SLC24A4: variants seen among roughly 807,000 people sequenced by gnomAD.
The protein encoded by SLC24A4 is solute carrier family 24 member 4.
In SLC24A4, 53 loss-of-function variants were observed where a neutral mutation model predicts 79.0. That is an observed-to-expected ratio of 0.67 (90% CI 0.54 to 0.84). The LOEUF (loss-of-function observed/expected upper bound fraction) is 0.84, where lower values mean the gene tolerates loss of function less well. Ranked by LOEUF, SLC24A4 falls within the 40% of genes least tolerant of loss-of-function variation. SLC24A4 has a pLI of 0.00. For synonymous variants in SLC24A4, 323 were observed against 323.8 expected, an observed-to-expected ratio of 1.00 and a Z score of 0.03; for missense variants, 731 against 822.0, an observed-to-expected ratio of 0.89 and a Z score of 1.35.
intron 2 of SLC24A4, among the ~76,000 whole-genome samples, chr14:92,360,303 G>A (rs551565627): frequency 2.6e-5 from 4 of 152,142 alleles, no homozygotes; most frequent in East Asian, 1.9e-4. Flanking sequence ...GTGCACCATC[G>A]TAGCTCATTG....
chr14:92,362,819 TG>T (rs1431115459), intron 2 of SLC24A4, among the ~76,000 whole-genome samples: 1 of 152,198 alleles, frequency 6.6e-6, no homozygotes. Flanking sequence ...CAAAAAGTTT[TG>T]CAGAATGAAT....
At chr14:92,345,776 AG>A (rs34795585) in intron 2 of SLC24A4, among the ~76,000 whole-genome samples, 1 of 152,044 alleles carries the variant, frequency 6.6e-6, no homozygotes, top group Non-Finnish European at 1.5e-5. Flanking sequence ...AGAGGGTGAA[AG>A]GGGGATGTTC....
At chr14:92,444,917 CTA>C (rs1478981206) in intron 7 of SLC24A4, among the ~76,000 whole-genome samples, 26 of 126,096 alleles carry the variant, frequency 2.1e-4, no homozygotes, top group East Asian at 8.9e-4. Flanking sequence ...CACACACACC[CTA>C]TATACACACA....
intron 2 of SLC24A4, among the ~76,000 whole-genome samples, chr14:92,429,083 G>A (rs10147889): frequency 0.58 from 87,891 of 151,868 alleles, 25,839 homozygotes; most frequent in East Asian, 0.82. Flanking sequence ...CCTGGCAATC[G>A]TGCCCACTTT....
In SLC24A4 at chr14:92,433,924, T is replaced by C; in HGVS notation, c.254T>C (p.Phe85Ser). The change falls in exon 3 of 17, where the codon TTC becomes TCC. Residue 85 changes from phenylalanine to serine, a missense_variant. Phe to Ser is a radical substitution (Grantham distance 155). Coordinates refer to ENST00000532405, the MANE Select transcript of SLC24A4 (RefSeq NM_153646.4). ...TCCTGTCTTCCAGCGATTCACGAGT[T>C]CCCCACAGATCTGTTCTCCAATAAG... ...KNCTDPAIHE[F>S]PTDLFSNKER... The C allele has an allele frequency of 1.2e-6, 2 of 1,613,996 alleles. No individual in the cohort carries two copies. The highest frequency in any genetic ancestry group is 8.5e-7 in the Non-Finnish European group (1 of 1,179,978).
rs144426082 is a variant in SLC24A4, at chr14:92,324,229, C to T, written c.130+269C>T. Among the ~76,000 whole-genome samples, 1,503 of 152,294 alleles carry T rather than the reference C, an allele frequency of 9.9e-3. 30 individuals are homozygous for T. Among genetic ancestry groups the T allele is most frequent in the African/African-American group, 0.034 (1,424 of 41,542 alleles). On this transcript the variant is annotated intron_variant, in intron 1 of 16. Transcript: ENST00000532405. The stretch of plus-strand genomic sequence containing the variant: ...TGTGTTACTAAGACGAAAGCAAGAA[C>T]CGCTTCCGTCCCGGGAGTGCGCCCG...
At chr14:92,460,095 G>A (rs1893713428) in intron 12 of SLC24A4, among the ~76,000 whole-genome samples, 3 of 152,160 alleles carry the variant, frequency 2.0e-5, no homozygotes, top group South Asian at 2.1e-4. Flanking sequence ...GCATAGCTTC[G>A]GGTGTCAAGG....
chr14:92,347,275 A>G (rs1467221077), intron 2 of SLC24A4, among the ~76,000 whole-genome samples: 1 of 152,192 alleles, frequency 6.6e-6, no homozygotes, highest in African/African-American at 2.4e-5. Context: ...TTCACTTTGT[A>G]CTAGGATGTG....
chr14:92,329,898 G>T (rs1268912326), intron 2 of SLC24A4, among the ~76,000 whole-genome samples: 2 of 152,194 alleles, frequency 1.3e-5, no homozygotes, highest in Non-Finnish European at 2.9e-5. Flanking sequence ...CCTCTTTTGT[G>T]GCCAGAAGAG....
At chr14:92,472,944 C>T (rs960627130) in intron 12 of SLC24A4, among the ~76,000 whole-genome samples, 2 of 152,178 alleles carry the variant, frequency 1.3e-5, no homozygotes. Flanking sequence ...CATACTCACC[C>T]TCCCTTGCCC....
rs1016694639 is a variant in SLC24A4, at chr14:92,500,572, C to G, written c.*6944C>G. On this transcript the variant is annotated 3_prime_UTR_variant, in exon 17 of 17. Transcript: ENST00000532405. ...TCTGCCCTCACTTTTCATCCCTGCC[C>G]TCTAAGCTGCAGACCCCATGACCAC... is the stretch of plus-strand genomic sequence containing the variant. 1 of 152,338 alleles carries G rather than the reference C, an allele frequency of 6.6e-6. No individual in the cohort carries two copies. The highest frequency in any genetic ancestry group is 1.5e-5 in the Non-Finnish European group (1 of 68,110). 9.4% of individuals were successfully genotyped at this position (152,338 alleles called of 1,614,324 possible).
rs201802225 is a variant in SLC24A4, at chr14:92,433,954, G to A, written c.284G>A (p.Arg95Gln). 38 of 1,614,194 alleles carry A rather than the reference G, an allele frequency of 2.4e-5. No homozygotes were observed. Among genetic ancestry groups the A allele is most frequent in the South Asian group, 4.4e-5 (4 of 91,080 alleles). Residue 95 changes from arginine to glutamine, a missense_variant, in exon 3 of 17, where the codon CGA becomes CAA. Transcript: ENST00000532405. The stretch of plus-strand genomic sequence containing the variant: ...ACAGATCTGTTCTCCAATAAGGAGC[G>A]ACAGCACGGAGCCGTCCTGCTGCAC... ...FPTDLFSNKE[R>Q]QHGAVLLHIL...
chr14:92,369,150 T>A (rs1888014030), intron 2 of SLC24A4, among the ~76,000 whole-genome samples: 1 of 152,134 alleles, frequency 6.6e-6, no homozygotes, highest in Admixed American at 6.5e-5. Flanking sequence ...TGCCTCTTAT[T>A]TGAAACCAAG....
chr14:92,498,416 C>T lies in SLC24A4; in HGVS notation c.*4788C>T, dbSNP rs76620772. The T allele has an allele frequency of 0.055, 8,448 of 152,230 alleles. 330 individuals are homozygous for T. The highest frequency in any genetic ancestry group is 0.19 in the East Asian group (994 of 5,168). The allele number at this position is 152,230 out of a possible 1,614,324, so 9.4% of individuals were successfully genotyped here. ...CTTTGAGCCACAGCCTTTACCAGCC[C>T]GGCTTGTGTGGGGGGCCCCTTCGCC... is the stretch of plus-strand genomic sequence containing the variant. On this transcript the variant is annotated 3_prime_UTR_variant, in exon 17 of 17. Coordinates refer to ENST00000532405, the MANE Select transcript of SLC24A4 (RefSeq NM_153646.4).
chr14:92,480,515 G>C (rs918082715), intron 12 of SLC24A4, among the ~76,000 whole-genome samples: 1 of 150,292 alleles, frequency 6.7e-6, no homozygotes, highest in South Asian at 2.1e-4. Context: ...GGATGGTCTC[G>C]ATCTCCTGAC....
In SLC24A4 at chr14:92,442,103, C is replaced by G. The variant is rs139530271; in HGVS notation, c.408C>G (p.Ser136Arg). ...TTCCGTTTCAGAGACTCCATCTGAGCGAAGATGTGGCTGGAGCCACCTTCA... is the reference window on the plus strand; with the variant it reads ...TTCCGTTTCAGAGACTCCATCTGAGGGAAGATGTGGCTGGAGCCACCTTCA... ...LEKICERLHL[S>R]EDVAGATFMA... Residue 136 changes from serine to arginine, a missense_variant, in exon 5 of 17, where the codon AGC becomes AGG. Coordinates refer to ENST00000532405, the MANE Select transcript of SLC24A4 (RefSeq NM_153646.4). 1.2e-6 allele frequency: 2 copies of G among 1,613,834 alleles called. No individual in the cohort carries two copies. The highest frequency in any genetic ancestry group is 1.7e-5 in the Admixed American group (1 of 60,020).
At position 92,353,942 on chromosome 14, in the gene SLC24A4, GGCTGACCCCGT is replaced by G. The variant is rs1443531892; in HGVS notation, c.241+27969_241+27979del. On this transcript the variant is annotated intron_variant, in intron 2 of 16. Transcript: ENST00000532405. This position sits in a 1 kb window ranked among gnomAD's most constrained non-coding sequence, Gnocchi z 4.1. The stretch of plus-strand genomic sequence containing the variant: ...GGCCCAGAGAGCAGGAGAGTTGATG[GGCTGACCCCGT>G]GCTGGAGTCACCTCGCAGTCACTTG... Among the ~76,000 whole-genome samples the G allele has an allele frequency of 6.6e-6, 1 of 152,188 alleles. No homozygotes were observed. The highest frequency in any genetic ancestry group is 1.9e-4 in the East Asian group (1 of 5,178).
intron 13 of SLC24A4, among the ~76,000 whole-genome samples, chr14:92,483,416 A>G (rs929561012): frequency 6.6e-6 from 1 of 152,228 alleles, no homozygotes; most frequent in African/African-American, 2.4e-5. Flanking sequence ...AATTTCCCCA[A>G]GGTTACACAG....
rs967136867 is a variant in SLC24A4, at chr14:92,323,729, G to C, written c.-102G>C. 1.9e-5 allele frequency: 27 copies of C among 1,418,268 alleles called. No homozygotes were observed. The African/African-American group carries it at 3.8e-4, about 20-fold the overall frequency. The allele number at this position is 1,418,268 out of a possible 1,614,324, so 87.9% of individuals were successfully genotyped here. On this transcript the variant is annotated 5_prime_UTR_variant, in exon 1 of 17. Transcript: ENST00000532405. The surrounding 1 kb of genome is among the most constrained non-coding windows in gnomAD (Gnocchi z 4.9). Reference sequence around the variant, plus strand: ...GCCCGGAGCTCCTCGCCTCTGAGTCGCGCACCGCCTGCTCCAGCCCCAGCG... The same window carrying C: ...GCCCGGAGCTCCTCGCCTCTGAGTCCCGCACCGCCTGCTCCAGCCCCAGCG...
Sources: allele counts gnomAD v4.1 joint callset (sites outside exome capture counted in the v4.1 genomes callset), GRCh38; gene constraint gnomAD v4.1.1; non-coding constraint Gnocchi (gnomAD v3.1); transcripts MANE v1.5; gene names NCBI Gene and HGNC (gene_info 2026-07-23, HGNC 2026-07-21).